DPP10: variants seen among roughly 807,000 people sequenced by gnomAD.
The protein encoded by DPP10 is inactive dipeptidyl peptidase 10.
In DPP10, 33 loss-of-function variants were observed where a neutral mutation model predicts 120.9. That is an observed-to-expected ratio of 0.27 (90% CI 0.21 to 0.37). The LOEUF (loss-of-function observed/expected upper bound fraction) is 0.37. DPP10 is among the 10% of genes least tolerant of loss of function. The pLI, the probability that DPP10 is intolerant of heterozygous loss-of-function variation, is 1.00. For synonymous variants in DPP10, 337 were observed against 326.1 expected (o/e 1.03, Z -0.36); for missense variants, 816 against 942.8 (o/e 0.87, Z 1.76).
chr2:115,167,084 G>A (rs755508007), intron 1 of DPP10, among the ~76,000 whole-genome samples: 5 of 152,082 alleles, frequency 3.3e-5, no homozygotes, highest in Non-Finnish European at 2.9e-5. Context: ...TGTTTTCTTG[G>A]GCAGGATAAC....
At chr2:115,071,335 T>C (rs1055910774) in intron 1 of DPP10, among the ~76,000 whole-genome samples, 1 of 152,148 alleles carries the variant, frequency 6.6e-6, no homozygotes, top group South Asian at 2.1e-4. Context: ...GCAGTGCATG[T>C]AGAGACTATG....
At chr2:114,841,736 C>A (rs942006656) in intron 1 of DPP10, among the ~76,000 whole-genome samples, 1 of 152,028 alleles carries the variant, frequency 6.6e-6, no homozygotes, top group Non-Finnish European at 1.5e-5. Flanking sequence ...TGTGAACTTA[C>A]CCAGCACAGG....
intron 1 of DPP10, among the ~76,000 whole-genome samples, chr2:115,232,623 A>T (rs778681994): frequency 4.6e-5 from 7 of 152,248 alleles, no homozygotes; most frequent in Non-Finnish European, 7.3e-5. Flanking sequence ...GCCATATATG[A>T]GTGCTCGTAT....
chr2:114,513,070 G>A (rs1258471481), intron 1 of DPP10, among the ~76,000 whole-genome samples: 1 of 151,868 alleles, frequency 6.6e-6, no homozygotes, highest in Non-Finnish European at 1.5e-5. Context: ...TTGAGAAGAG[G>A]GAAAGTTGCT....
intron 1 of DPP10, among the ~76,000 whole-genome samples, chr2:114,749,376 C>T (rs1048479418): frequency 6.6e-6 from 1 of 152,022 alleles, no homozygotes; most frequent in African/African-American, 2.4e-5. Context: ...TTTATAAAGA[C>T]TCAACTTCCA....
intron 5 of DPP10, among the ~76,000 whole-genome samples, chr2:115,677,686 TAATAA>T (rs2090367993): frequency 1.3e-5 from 2 of 152,178 alleles, no homozygotes; most frequent in Non-Finnish European, 2.9e-5. Context: ...GGTTATTGTG[TAATAA>T]TAACAAGATC....
At chr2:114,447,122 G>A (rs1019528490) in intron 1 of DPP10, among the ~76,000 whole-genome samples, 5 of 143,614 alleles carry the variant, frequency 3.5e-5, no homozygotes, top group South Asian at 2.2e-4. Context: ...TCAGCCTCCC[G>A]AGTAGCTGGG....
chr2:115,018,087 C>A (rs549518341), intron 1 of DPP10, among the ~76,000 whole-genome samples: 2 of 151,554 alleles, frequency 1.3e-5, no homozygotes, highest in African/African-American at 4.8e-5. Context: ...GACATTTATG[C>A]GGCCAACAAA....
At chr2:115,186,778 C>G (rs1157838078) in intron 1 of DPP10, among the ~76,000 whole-genome samples, 1 of 152,168 alleles carries the variant, frequency 6.6e-6, no homozygotes, top group African/African-American at 2.4e-5. Flanking sequence ...AGGATATTCA[C>G]AGCAGCTTGG....
At chr2:115,459,586 T>C (rs752442918) in intron 3 of DPP10, among the ~76,000 whole-genome samples, 4 of 152,090 alleles carry the variant, frequency 2.6e-5, no homozygotes, top group Non-Finnish European at 5.9e-5. Context: ...ATAAAATATA[T>C]ACTCAATTTA....
chr2:115,449,360 T>C (rs1026139758), intron 3 of DPP10, among the ~76,000 whole-genome samples: 8 of 152,000 alleles, frequency 5.3e-5, no homozygotes, highest in Non-Finnish European at 1.0e-4. Flanking sequence ...GAGAAACATA[T>C]GCTAAGGGGA....
intron 17 of DPP10, among the ~76,000 whole-genome samples, chr2:115,786,727 A>G (rs1323875220): frequency 6.6e-6 from 1 of 152,194 alleles, no homozygotes; most frequent in Non-Finnish European, 1.5e-5. Flanking sequence ...TGAGTTGAGG[A>G]GACAGAAAAT....
chr2:114,608,992 G>T (rs72953536), intron 1 of DPP10, among the ~76,000 whole-genome samples: 16,230 of 151,962 alleles, frequency 0.11, 1,170 homozygotes, highest in African/African-American at 0.2. Context: ...ACAGCATCAC[G>T]CAATATACTC....
chr2:114,668,999 G>A (rs765691946), intron 1 of DPP10, among the ~76,000 whole-genome samples: 1 of 152,052 alleles, frequency 6.6e-6, no homozygotes, highest in Admixed American at 6.6e-5. Flanking sequence ...CATCCAGGAC[G>A]AGGGCCATTT....
intron 8 of DPP10, among the ~76,000 whole-genome samples, chr2:115,731,957 A>G (rs2092921632): frequency 1.3e-5 from 2 of 151,936 alleles, no homozygotes; most frequent in African/African-American, 2.4e-5. Context: ...TTACCCTCCC[A>G]CTATCACCTT....
chr2:114,992,516 G>A (rs906913), intron 1 of DPP10, among the ~76,000 whole-genome samples: 151,442 of 152,304 alleles, frequency 0.99, 75,299 homozygotes, highest in Non-Finnish European at 1. Context: ...CTTCCAATCA[G>A]TCCTTTTTGG....
chr2:114,622,552 C>T (rs1694181929), intron 1 of DPP10, among the ~76,000 whole-genome samples: 1 of 152,018 alleles, frequency 6.6e-6, no homozygotes, highest in Non-Finnish European at 1.5e-5. Context: ...ACTGTCCCAC[C>T]TCAGTTCTCA....
At chr2:115,322,844 A>C (rs1235932685) in intron 2 of DPP10, among the ~76,000 whole-genome samples, 1 of 152,202 alleles carries the variant, frequency 6.6e-6, no homozygotes, top group Non-Finnish European at 1.5e-5. Context: ...TATTATAAAA[A>C]TGAACAGACC....
chr2:114,566,708 T>C (rs1689228531), intron 1 of DPP10, among the ~76,000 whole-genome samples: 1 of 152,188 alleles, frequency 6.6e-6, no homozygotes, highest in Non-Finnish European at 1.5e-5. Flanking sequence ...CAAGTCTCCC[T>C]TAAGTGAGTC....
Sources: gnomAD v4.1 joint callset for allele counts (sites outside exome capture counted in the v4.1 genomes callset) on GRCh38, gnomAD v4.1.1 for gene constraint, MANE v1.5 for transcripts, NCBI Gene and HGNC (gene_info 2026-07-23, HGNC 2026-07-21) for gene names.